CALB1: variants seen among roughly 807,000 people sequenced by gnomAD.
The protein encoded by CALB1 is calbindin 1.
In CALB1, 16 loss-of-function variants were observed where a neutral mutation model predicts 46.7. The ratio of observed to expected loss-of-function variants is 0.34; its 90% CI spans 0.23 to 0.52. The LOEUF (loss-of-function observed/expected upper bound fraction) is 0.52. CALB1 is among the 20% of genes least tolerant of loss of function. The probability of loss-of-function intolerance (pLI) is 0.95; values close to 1 mark genes in which losing one functional copy is unlikely to be tolerated. For missense variants in CALB1, 224 were observed against 300.3 expected (o/e 0.75, Z 1.88); for synonymous variants, 90 against 112.8 (o/e 0.80, Z 1.28).
intron 3 of CALB1, among the ~76,000 whole-genome samples, chr8:90,071,782 A>G (rs1406655602): frequency 6.6e-6 from 1 of 152,186 alleles, no homozygotes; most frequent in Non-Finnish European, 1.5e-5. Flanking sequence ...TTTCATGAAT[A>G]TAAGTGTTCA....
At chr8:90,069,724 C>T (rs1282244713) in intron 3 of CALB1, among the ~76,000 whole-genome samples, 5 of 151,934 alleles carry the variant, frequency 3.3e-5, no homozygotes, top group African/African-American at 9.7e-5. Flanking sequence ...TTCCCAAGCC[C>T]GAGGAGAAAG....
At chr8:90,073,360 C>A (rs913328519) in intron 3 of CALB1, among the ~76,000 whole-genome samples, 6 of 151,986 alleles carry the variant, frequency 3.9e-5, no homozygotes, top group African/African-American at 1.4e-4. Flanking sequence ...AGCTGTGTCC[C>A]CAAGGAGGTG....
chr8:90,070,892 T>A (rs1263617571), intron 3 of CALB1, among the ~76,000 whole-genome samples: 1 of 150,712 alleles, frequency 6.6e-6, no homozygotes, highest in Non-Finnish European at 1.5e-5. Flanking sequence ...GTTATCCAGG[T>A]CCCTTATTAA....
intron 3 of CALB1, among the ~76,000 whole-genome samples, chr8:90,073,246 G>C (rs577836253): frequency 1.3e-5 from 2 of 152,214 alleles, no homozygotes; most frequent in South Asian, 2.1e-4. Context: ...ATAGGGGTTG[G>C]GGTGGACATT....
chr8:90,080,810 GA>G (rs1814716228), intron 2 of CALB1, among the ~76,000 whole-genome samples: 2 of 151,966 alleles, frequency 1.3e-5, no homozygotes. Context: ...ATGCTGTACA[GA>G]AATGTATATT....
At chr8:90,080,274 T>C (rs1020782556) in intron 2 of CALB1, among the ~76,000 whole-genome samples, 4 of 151,874 alleles carry the variant, frequency 2.6e-5, no homozygotes, top group African/African-American at 7.2e-5. Flanking sequence ...CATGAAGATA[T>C]TGCTTACAAA....
At position 90,077,856 on chromosome 8, in the gene CALB1, G is replaced by A. The variant is rs144620804; in HGVS notation, c.231+517C>T. 2.5e-3 allele frequency among the ~76,000 whole-genome samples: 381 copies of A among 152,098 alleles called. 2 individuals carry two copies. Among genetic ancestry groups the A allele is most frequent in the African/African-American group, 8.0e-3 (333 of 41,512 alleles). On this transcript the variant is annotated intron_variant, in intron 3 of 10. Transcript: ENST00000265431. ...TCTAGTTAAATTATTCTGTTTTTAC[G>A]AAGGCCAACTGTCAAACCAGGATGC...
chr8:90,076,255 C>A (rs1814620913), intron 3 of CALB1, among the ~76,000 whole-genome samples: 1 of 152,018 alleles, frequency 6.6e-6, no homozygotes, highest in Non-Finnish European at 1.5e-5. Context: ...CATAAGTAAT[C>A]AACCAACTGA....
chr8:90,071,727 G>T (rs1211136944), intron 3 of CALB1, among the ~76,000 whole-genome samples: 4 of 152,044 alleles, frequency 2.6e-5, no homozygotes, highest in African/African-American at 9.7e-5. Context: ...CATTTTGGAG[G>T]GTTCTGCATG....
rs781016888 is a variant in CALB1 at position 90,082,607 on chromosome 8, G to A, written c.79+12C>T. ...ACGGGTCTTGAAACAGTTAAAAAGA[G>A]AAGATAATCACCGTCAGCGTCGAAA... On this transcript the variant is annotated intron_variant, in intron 1 of 10. Coordinates refer to ENST00000265431, the MANE Select transcript of CALB1 (RefSeq NM_004929.4). 6.0e-5 allele frequency: 96 copies of A among 1,610,406 alleles called. No homozygotes were observed. The highest frequency in any genetic ancestry group is 3.2e-4 in the Admixed American group (19 of 60,000).
At chr8:90,069,984 T>C (rs1814478690) in intron 3 of CALB1, among the ~76,000 whole-genome samples, 1 of 152,016 alleles carries the variant, frequency 6.6e-6, no homozygotes, top group South Asian at 2.1e-4. Context: ...CTTTTTTTTT[T>C]TTTTGGAAGA....
Position 90,060,665 on chromosome 8 carries a change from A to G in CALB1, c.636T>C (p.Asp212=), listed in dbSNP as rs1206154231. The G allele has an allele frequency of 1.9e-6, 3 of 1,613,780 alleles. No homozygotes were observed. The African/African-American group carries it at 4.0e-5, about 22-fold the overall frequency. The change falls in exon 10 of 11, where the codon GAT becomes GAC. Residue 212 remains aspartate (D), a synonymous_variant. Coordinates refer to ENST00000265431, the MANE Select transcript of CALB1 (RefSeq NM_004929.4). ...TCTCGCACAGATCCTTCAGTAAAGCATCCAGTTCATTTTCATCTATGTATC... is the reference window on the plus strand; with the variant it reads ...TCTCGCACAGATCCTTCAGTAAAGCGTCCAGTTCATTTTCATCTATGTATC... ...GNGYIDENEL[D]ALLKDLCEKN... is the part of the protein sequence containing the mutation.
chr8:90,082,197 G>A, intron 1 of CALB1, 95 bp from the exon 2 acceptor site: 1 of 1,099,798 alleles, frequency 9.1e-7, no homozygotes, highest in African/African-American at 1.6e-5. Flanking sequence ...GGCGACCCGA[G>A]AGGCTCTCTC....
intron 6 of CALB1, chr8:90,063,693 A>T: frequency 2.1e-6 from 1 of 467,622 alleles, no homozygotes; most frequent in Non-Finnish European, 3.8e-6. Context: ...TAGTGGTTTT[A>T]GCTATGTTTC....
chr8:90,069,456 C>T (rs1814460988), intron 3 of CALB1, among the ~76,000 whole-genome samples: 1 of 152,136 alleles, frequency 6.6e-6, no homozygotes, highest in South Asian at 2.1e-4. Flanking sequence ...GTTCTTTGGC[C>T]AGTGAGGTGG....
At chr8:90,063,231 T>A (rs1305126564) in intron 8 of CALB1, 50 bp downstream of exon 8, 5 of 1,538,742 alleles carry the variant, frequency 3.2e-6, no homozygotes, top group Non-Finnish European at 4.5e-6. Context: ...GTCTCCCACA[T>A]TCTAGCTTTT....
chr8:90,072,991 T>C (rs901042063), intron 3 of CALB1, among the ~76,000 whole-genome samples: 3 of 61,344 alleles, frequency 4.9e-5, no homozygotes, highest in African/African-American at 1.2e-4. Flanking sequence ...TTATCAAGAG[T>C]AGGAAAAAAA....
intron 3 of CALB1, among the ~76,000 whole-genome samples, chr8:90,070,497 C>T (rs1814492361): frequency 6.6e-6 from 1 of 152,070 alleles, no homozygotes; most frequent in Non-Finnish European, 1.5e-5. Flanking sequence ...ATAAAATGCA[C>T]TATTCTACTT....
At chr8:90,081,160 G>C (rs184766556) in intron 2 of CALB1, among the ~76,000 whole-genome samples, 1 of 151,968 alleles carries the variant, frequency 6.6e-6, no homozygotes. Flanking sequence ...ATGCCCAAAG[G>C]GAGTCATTTA....
Sources: gnomAD v4.1 joint callset for allele counts (sites outside exome capture counted in the v4.1 genomes callset) on GRCh38, gnomAD v4.1.1 for gene constraint, MANE v1.5 for transcripts, NCBI Gene and HGNC (gene_info 2026-07-23, HGNC 2026-07-21) for gene names.